The following FAM222B variants were observed in gnomAD, a reference collection of about 807,000 sequenced individuals.
The protein encoded by FAM222B is family with sequence similarity 222 member B.
A neutral mutation model predicts 38.0 loss-of-function variants in FAM222B; 12 were observed. That is an observed-to-expected ratio of 0.32 (90% CI 0.20 to 0.51). The LOEUF (loss-of-function observed/expected upper bound fraction) is 0.51. FAM222B is among the 20% of genes least tolerant of loss of function. The probability of loss-of-function intolerance (pLI) is 0.97; values close to 1 mark genes in which losing one functional copy is unlikely to be tolerated. For missense variants in FAM222B, 716 were observed against 754.2 expected (o/e 0.95, Z 0.59); for synonymous variants, 329 against 317.2 (o/e 1.04, Z -0.40).
chr17:28,787,078 C>G (rs1364096841), intron 1 of FAM222B, among the ~76,000 whole-genome samples: 1 of 151,992 alleles, frequency 6.6e-6, no homozygotes, highest in Non-Finnish European at 1.5e-5. Flanking sequence ...GCGCCCGCAA[C>G]CACGCCCAGC....
At chr17:28,839,283 G>C (rs1217895436) in intron 1 of FAM222B, among the ~76,000 whole-genome samples, 3 of 152,276 alleles carry the variant, frequency 2.0e-5, no homozygotes, top group East Asian at 3.9e-4. Flanking sequence ...TTCACAGGAA[G>C]TCCTTAAATC....
intron 1 of FAM222B, among the ~76,000 whole-genome samples, chr17:28,783,349 C>T (rs760188127): frequency 3.9e-5 from 6 of 152,004 alleles, no homozygotes; most frequent in Non-Finnish European, 8.8e-5. Flanking sequence ...GCTCAGATCA[C>T]CTCAAGAAAC....
intron 1 of FAM222B, among the ~76,000 whole-genome samples, chr17:28,791,440 T>G (rs1269556551): frequency 6.6e-6 from 1 of 152,074 alleles, no homozygotes; most frequent in Non-Finnish European, 1.5e-5. Context: ...GAATAACATT[T>G]TCTCCAGTGC....
chr17:28,798,783 A>G (rs2151893569), intron 1 of FAM222B, among the ~76,000 whole-genome samples: 1 of 148,432 alleles, frequency 6.7e-6, no homozygotes, highest in East Asian at 2.1e-4. Flanking sequence ...ATGCCCGGCT[A>G]ATTTTTTGTA....
rs1272761732 is a variant in FAM222B at position 28,786,953 on chromosome 17, GGAGTGCAGTGGCGCGATCTC to G, written c.-40-20266_-40-20247del. The stretch of plus-strand genomic sequence containing the variant: ...AGAGTCTCGCTCTGTCGCCCAGCCT[GGAGTGCAGTGGCGCGATCTC>G]GAGTGCAGTGGTGCGATCTCCGCTC... On this transcript the variant is annotated intron_variant, in intron 1 of 2. Coordinates refer to ENST00000581407, the MANE Select transcript of FAM222B (RefSeq NM_001077498.3). 3.1e-3 allele frequency among the ~76,000 whole-genome samples: 414 copies of G among 134,014 alleles called. 2 individuals carry two copies. The highest frequency in any genetic ancestry group is 0.011 in the African/African-American group (397 of 35,724). 87.9% of individuals were successfully genotyped at this position (134,014 alleles called of 152,430 possible).
chr17:28,759,540 G>T lies in FAM222B; in HGVS notation c.419C>A (p.Ala140Glu), dbSNP rs773105560. 1.2e-6 allele frequency: 2 copies of T among 1,600,126 alleles called. No homozygotes were observed. Among genetic ancestry groups the T allele is most frequent in the Non-Finnish European group, 8.5e-7 (1 of 1,172,044 alleles). ...CTGGGGGTGGGCTAAAGTGCTGGGT[G>T]CCACAGTAGCATAGGGTGCCACTGG... ...NPPVAPYATV[A>E]PSTLAHPQAQ... is the part of the protein sequence containing the mutation. Residue 140 changes from alanine (A) to glutamate (E), a missense_variant, in exon 3 of 3, where the codon GCA (alanine) becomes GAA (glutamate). Physicochemically the swap from Ala to Glu is moderately radical, Grantham distance 107. Transcript: ENST00000581407. This position sits in a 1 kb window ranked among gnomAD's most constrained non-coding sequence, Gnocchi z 4.8.
intron 1 of FAM222B, among the ~76,000 whole-genome samples, chr17:28,830,298 A>G (rs1343770156): frequency 1.3e-5 from 2 of 151,186 alleles, no homozygotes; most frequent in Non-Finnish European, 2.9e-5. Context: ...AGCAGCTGGG[A>G]CTACAGGTGC....
chr17:28,846,354 A>G (rs1186968094), upstream of FAM222B, among the ~76,000 whole-genome samples: 1 of 151,692 alleles, frequency 6.6e-6, no homozygotes, highest in Non-Finnish European at 1.5e-5. Context: ...GAACCGAGTG[A>G]GACTGTGTCT....
At chr17:28,790,884 C>CATTTATT (rs71135852) in intron 1 of FAM222B, among the ~76,000 whole-genome samples, 1 of 86,062 alleles carries the variant, frequency 1.2e-5, no homozygotes, top group Non-Finnish European at 2.2e-5. Context: ...AATTGTTTCA[C>CATTTATT]TTTTTTTTTT....
chr17:28,759,866 T>C lies in FAM222B; in HGVS notation c.93A>G (p.Thr31=). The part of the protein sequence containing the change: ...MNTGLQKWDT[T]QKMRTAHYPT... The stretch of plus-strand genomic sequence containing the variant: ...GATAGTGAGCAGTTCTCATTTTCTG[T>C]GTAGTGTCCCCTAGAGAGAGAGAAT... Residue 31 remains threonine, a synonymous_variant, in exon 3 of 3, where the codon ACA becomes ACG. Transcript: ENST00000581407. The surrounding 1 kb of genome is among the most constrained non-coding windows in gnomAD (Gnocchi z 4.8). 6.5e-7 allele frequency: 1 copy of C among 1,540,392 alleles called. No individual in the cohort carries two copies. The highest frequency in any genetic ancestry group is 8.8e-7 in the Non-Finnish European group (1 of 1,141,132).
intron 1 of FAM222B, among the ~76,000 whole-genome samples, chr17:28,787,269 A>G (rs1179617643): frequency 6.6e-6 from 1 of 152,278 alleles, no homozygotes; most frequent in South Asian, 2.1e-4. Flanking sequence ...TAGTTTCCCA[A>G]TCTTGCCAAG....
At chr17:28,850,809 A>G (rs988971204) in intron 1 of FAM222B, among the ~76,000 whole-genome samples, 4 of 152,110 alleles carry the variant, frequency 2.6e-5, no homozygotes, top group Non-Finnish European at 5.9e-5. Flanking sequence ...GGTTCTTTCT[A>G]TAAAAATCAA....
chr17:28,772,593 C>G (rs1198609738), intron 1 of FAM222B, among the ~76,000 whole-genome samples: 3 of 139,176 alleles, frequency 2.2e-5, no homozygotes, highest in African/African-American at 8.0e-5. Context: ...AAAAAAAGAA[C>G]AGAGAGAATT....
intron 1 of FAM222B, among the ~76,000 whole-genome samples, chr17:28,838,558 C>T (rs1287080026): frequency 6.6e-6 from 1 of 150,972 alleles, no homozygotes; most frequent in Non-Finnish European, 1.5e-5. Flanking sequence ...CCAGTCTGGG[C>T]GACAGAGACT....
intron 1 of FAM222B, among the ~76,000 whole-genome samples, chr17:28,817,955 A>T (rs1175071255): frequency 6.6e-6 from 1 of 152,144 alleles, no homozygotes; most frequent in Non-Finnish European, 1.5e-5. Context: ...AATAACCTAT[A>T]CCTAGATGGT....
chr17:28,825,472 A>G (rs1233916306), intron 1 of FAM222B, among the ~76,000 whole-genome samples: 1 of 151,088 alleles, frequency 6.6e-6, no homozygotes, highest in Admixed American at 6.6e-5. Context: ...AAAGGAAACG[A>G]AACACCTTAC....
intron 1 of FAM222B, among the ~76,000 whole-genome samples, chr17:28,830,161 CTTT>C (rs58480451): frequency 5.1e-4 from 52 of 101,474 alleles, no homozygotes; most frequent in South Asian, 7.9e-4. Flanking sequence ...TTTATACATT[CTTT>C]TTTTTTTTTT....
intron 1 of FAM222B, among the ~76,000 whole-genome samples, chr17:28,822,271 C>T (rs1339981197): frequency 1.3e-5 from 2 of 150,644 alleles, no homozygotes; most frequent in Admixed American, 6.6e-5. Flanking sequence ...CCACCCACCT[C>T]GGCCTCCCAA....
chr17:28,774,881 G>A (rs2035808393), intron 1 of FAM222B, among the ~76,000 whole-genome samples: 1 of 151,840 alleles, frequency 6.6e-6, no homozygotes, highest in East Asian at 1.9e-4. Flanking sequence ...GGTGGAGGGT[G>A]CAGTGAGCTG....
Sources: allele counts gnomAD v4.1 joint callset (sites outside exome capture counted in the v4.1 genomes callset), GRCh38; gene constraint gnomAD v4.1.1; non-coding constraint Gnocchi (gnomAD v3.1); transcripts MANE v1.5; gene names NCBI Gene and HGNC (gene_info 2026-07-23, HGNC 2026-07-21).